Variants in RAB39A observed in about 807,000 individuals in gnomAD.
RAB39A encodes ras-related protein Rab-39A.
Under a neutral mutation model 20.9 loss-of-function variants are expected in RAB39A, and 17 were observed. That is an observed-to-expected ratio of 0.81 (90% CI 0.56 to 1.22). RAB39A has a LOEUF of 1.22. Ranked by LOEUF, RAB39A falls within the 50% of genes most tolerant of loss-of-function variation. The pLI is 0.00. For synonymous variants in RAB39A, 99 were observed against 103.4 expected (o/e 0.96, Z 0.26); for missense variants, 234 against 270.5 (o/e 0.87, Z 0.95).
chr11:107,956,371 C>G (rs1254099096), intron 1 of RAB39A, among the ~76,000 whole-genome samples: 2 of 152,304 alleles, frequency 1.3e-5, no homozygotes, highest in Non-Finnish European at 2.9e-5. Flanking sequence ...ATGGCACCTG[C>G]ATGACTCTGA....
At chr11:107,961,773 G>A (rs566759898) in intron 1 of RAB39A, among the ~76,000 whole-genome samples, 173 bp from the exon 2 acceptor site, 10 of 152,208 alleles carry the variant, frequency 6.6e-5, no homozygotes, top group South Asian at 2.1e-4. Flanking sequence ...TGAAACTTGC[G>A]TATTAGTCCC....
Position 107,940,276 on chromosome 11 carries a change from T to TA in RAB39A, c.227+11481_227+11482insA, listed in dbSNP as rs1217112579. ...TTTTTATTTTTATTATTATTATTAT[T>TA]TTTTTTTTAGATGAGTCACATTCTG... On this transcript the variant is annotated intron_variant, in intron 1 of 1. Coordinates refer to ENST00000320578, the MANE Select transcript of RAB39A (RefSeq NM_017516.3). Among the ~76,000 whole-genome samples, 8 of 147,946 alleles carry TA rather than the reference T, an allele frequency of 5.4e-5. No homozygotes were observed. The East Asian group carries it at 7.8e-4, about 14-fold the overall frequency.
chr11:107,939,468 A>T (rs1861237187), intron 1 of RAB39A, among the ~76,000 whole-genome samples: 1 of 148,454 alleles, frequency 6.7e-6, no homozygotes, highest in African/African-American at 2.5e-5. Context: ...AAAAAAAATT[A>T]GCCGGGCATG....
At chr11:107,929,912 G>T (rs1359496047) in intron 1 of RAB39A, among the ~76,000 whole-genome samples, 1 of 152,142 alleles carries the variant, frequency 6.6e-6, no homozygotes, top group African/African-American at 2.4e-5. Flanking sequence ...AGCATTTTGC[G>T]TTAGTCAGCA....
intron 1 of RAB39A, among the ~76,000 whole-genome samples, chr11:107,931,863 CTTTTTTTTT>C: frequency 1.7e-5 from 2 of 118,040 alleles, no homozygotes; most frequent in Non-Finnish European, 3.4e-5. Flanking sequence ...TTCTTTCCTT[CTTTTTTTTT>C]TTTTTTTTTT....
intron 1 of RAB39A, among the ~76,000 whole-genome samples, chr11:107,960,893 G>A (rs1198340540): frequency 1.3e-5 from 2 of 152,124 alleles, no homozygotes; most frequent in African/African-American, 2.4e-5. Flanking sequence ...TCCAGCCAGC[G>A]CCTCCCATTG....
intron 1 of RAB39A, among the ~76,000 whole-genome samples, chr11:107,938,183 T>C (rs1242564513): frequency 6.6e-6 from 1 of 151,570 alleles, no homozygotes; most frequent in Non-Finnish European, 1.5e-5. Context: ...GCCAACATGG[T>C]GAAACCCAGT....
intron 1 of RAB39A, among the ~76,000 whole-genome samples, chr11:107,943,347 G>A (rs968644943): frequency 3.3e-5 from 5 of 152,010 alleles, no homozygotes; most frequent in Non-Finnish European, 5.9e-5. Context: ...CCAGGTGGGC[G>A]GATCACGAGG....
At chr11:107,947,921 A>C (rs1048372124) in intron 1 of RAB39A, among the ~76,000 whole-genome samples, 5 of 151,734 alleles carry the variant, frequency 3.3e-5, no homozygotes, top group Non-Finnish European at 7.4e-5. Context: ...TCAAAATATT[A>C]CCTCATGTAG....
At chr11:107,943,129 G>A (rs1861275926) in intron 1 of RAB39A, among the ~76,000 whole-genome samples, 1 of 152,152 alleles carries the variant, frequency 6.6e-6, no homozygotes, top group African/African-American at 2.4e-5. Context: ...TCTGTGAAAT[G>A]GTTAGCCTTG....
intron 1 of RAB39A, among the ~76,000 whole-genome samples, chr11:107,935,296 A>G (rs968389543): frequency 6.6e-6 from 1 of 152,174 alleles, no homozygotes; most frequent in African/African-American, 2.4e-5. Context: ...CATCCGCCCT[A>G]GGTACAATGC....
chr11:107,953,623 C>T (rs1591248200), intron 1 of RAB39A, among the ~76,000 whole-genome samples: 1 of 152,138 alleles, frequency 6.6e-6, no homozygotes, highest in Admixed American at 6.5e-5. Context: ...AATACTAAAA[C>T]GTTTATATCA....
At chr11:107,933,255 A>T (rs191636607) in intron 1 of RAB39A, among the ~76,000 whole-genome samples, 1 of 149,440 alleles carries the variant, frequency 6.7e-6, no homozygotes, top group East Asian at 2.0e-4. Flanking sequence ...CTCCTCGTGC[A>T]GTGCTGTCAA....
At chr11:107,937,271 A>T (rs1223686549) in intron 1 of RAB39A, among the ~76,000 whole-genome samples, 1 of 151,630 alleles carries the variant, frequency 6.6e-6, no homozygotes, top group African/African-American at 2.4e-5. Context: ...AGTAGCTAGG[A>T]CTACAAGCAC....
At chr11:107,945,009 G>A (rs896179686) in intron 1 of RAB39A, among the ~76,000 whole-genome samples, 6 of 151,218 alleles carry the variant, frequency 4.0e-5, no homozygotes, top group African/African-American at 1.2e-4. Flanking sequence ...ATGGTGAAAC[G>A]CCATCTCTAC....
intron 1 of RAB39A, among the ~76,000 whole-genome samples, chr11:107,946,780 AT>A (rs887754002): frequency 2.0e-5 from 3 of 151,066 alleles, no homozygotes; most frequent in Admixed American, 6.6e-5. Context: ...AGCCGATACT[AT>A]TTTTTTTAAA....
chr11:107,933,313 ATG>A (rs60670768), intron 1 of RAB39A, among the ~76,000 whole-genome samples: 7,235 of 125,206 alleles, frequency 0.058, 255 homozygotes, highest in African/African-American at 0.1. Context: ...ATATATATAT[ATG>A]TGTGTGTGTG....
At chr11:107,935,358 G>C (rs532185719) in intron 1 of RAB39A, among the ~76,000 whole-genome samples, 25 of 151,900 alleles carry the variant, frequency 1.6e-4, no homozygotes, top group Non-Finnish European at 3.7e-4. Flanking sequence ...TGTGATAAAG[G>C]ATTAATTTTC....
At chr11:107,942,009 G>A (rs916798410) in intron 1 of RAB39A, among the ~76,000 whole-genome samples, 1 of 148,714 alleles carries the variant, frequency 6.7e-6, no homozygotes, top group African/African-American at 2.5e-5. Context: ...TGAGGCAGGA[G>A]AATCGCTTAA....
Sources: gnomAD v4.1 joint callset for allele counts (sites outside exome capture counted in the v4.1 genomes callset) on GRCh38, gnomAD v4.1.1 for gene constraint, MANE v1.5 for transcripts, NCBI Gene and HGNC (gene_info 2026-07-23, HGNC 2026-07-21) for gene names.